TPRG1: variants seen among roughly 807,000 people sequenced by gnomAD.
The protein encoded by TPRG1 is tumor protein p63 regulated 1.
A neutral mutation model predicts 29.3 loss-of-function variants in TPRG1; 29 were observed. The observed-to-expected ratio is 0.99, with a 90% CI of 0.74 to 1.35. The LOEUF is 1.35. TPRG1 is among the 40% of genes most tolerant of loss of function. TPRG1 has a pLI of 0.00. For missense variants in TPRG1, 327 were observed against 335.0 expected (o/e 0.98, Z 0.19); for synonymous variants, 130 against 116.8 (o/e 1.11, Z -0.73).
chr3:189,203,319 T>C (rs1256729483), intron 1 of TPRG1, among the ~76,000 whole-genome samples: 6 of 152,110 alleles, frequency 3.9e-5, no homozygotes, highest in Non-Finnish European at 1.5e-5. Flanking sequence ...AGTACTTCCT[T>C]AAGGCTTTAT....
chr3:189,214,680 G>A (rs1324301446), intron 2 of TPRG1, among the ~76,000 whole-genome samples: 1 of 152,146 alleles, frequency 6.6e-6, no homozygotes, highest in African/African-American at 2.4e-5. Context: ...AGAAATCTAT[G>A]TTTTAACACA....
chr3:189,016,256 T>A (rs1712927794), intron 3 of TPRG1, among the ~76,000 whole-genome samples: 1 of 152,124 alleles, frequency 6.6e-6, no homozygotes, highest in Non-Finnish European at 1.5e-5. Flanking sequence ...CAGAATTGCT[T>A]GGGGCCTGTA....
At chr3:189,293,380 CTG>C (rs1719336326) in intron 4 of TPRG1, among the ~76,000 whole-genome samples, 1 of 152,134 alleles carries the variant, frequency 6.6e-6, no homozygotes, top group South Asian at 2.1e-4. Flanking sequence ...GCACTGAAAA[CTG>C]AGGGTTTCCT....
At chr3:189,140,046 G>GCA (rs1388362548) in intron 3 of TPRG1, among the ~76,000 whole-genome samples, 1 of 152,066 alleles carries the variant, frequency 6.6e-6, no homozygotes. Context: ...TCAGATCTAT[G>GCA]CACACACACA....
At chr3:189,307,971 T>G (rs1721883158) in intron 4 of TPRG1, among the ~76,000 whole-genome samples, 1 of 152,136 alleles carries the variant, frequency 6.6e-6, no homozygotes, top group African/African-American at 2.4e-5. Flanking sequence ...TGGGGCTAAT[T>G]AGATGCTTCT....
At chr3:189,101,396 C>T (rs1719181485) in intron 1 of TPRG1, among the ~76,000 whole-genome samples, 1 of 150,558 alleles carries the variant, frequency 6.6e-6, no homozygotes, top group Admixed American at 6.6e-5. Context: ...TGCAATTCAA[C>T]ATTTATCTTA....
intron 5 of TPRG1, among the ~76,000 whole-genome samples, chr3:189,165,370 G>C: frequency 6.6e-6 from 1 of 151,622 alleles, no homozygotes; most frequent in Non-Finnish European, 1.5e-5. Context: ...GTCTATTCTG[G>C]GTTGGAGTTT....
chr3:189,174,105 A>G (rs1420011472), intron 1 of TPRG1, among the ~76,000 whole-genome samples: 1 of 152,160 alleles, frequency 6.6e-6, no homozygotes, highest in Non-Finnish European at 1.5e-5. Flanking sequence ...GATCCTTTTA[A>G]AACTTGAAGT....
At chr3:189,070,962 C>T (rs1017486866) in intron 4 of TPRG1, among the ~76,000 whole-genome samples, 12 of 151,062 alleles carry the variant, frequency 7.9e-5, no homozygotes, top group Admixed American at 3.3e-4. Context: ...TAGAAATTCT[C>T]AGATTTGTTT....
At chr3:189,079,054 C>T (rs975516109) in intron 4 of TPRG1, among the ~76,000 whole-genome samples, 1 of 152,136 alleles carries the variant, frequency 6.6e-6, no homozygotes, top group Non-Finnish European at 1.5e-5. Context: ...ATCGCATCTG[C>T]TTCTGGTGAG....
intron 5 of TPRG1, among the ~76,000 whole-genome samples, chr3:189,157,878 C>G (rs993415297): frequency 3.9e-5 from 6 of 152,106 alleles, no homozygotes; most frequent in African/African-American, 9.7e-5. Flanking sequence ...TCTGGCCTGT[C>G]TGATAGCACA....
At chr3:189,075,667 T>C (rs1717124926) in intron 4 of TPRG1, among the ~76,000 whole-genome samples, 1 of 152,214 alleles carries the variant, frequency 6.6e-6, no homozygotes, top group Non-Finnish European at 1.5e-5. Flanking sequence ...TTGTGGTGAT[T>C]TTAGAGAAAA....
chr3:189,168,951 G>T (rs1393670787), upstream of TPRG1, among the ~76,000 whole-genome samples: 3 of 152,178 alleles, frequency 2.0e-5, no homozygotes, highest in Non-Finnish European at 4.4e-5. Context: ...CCCATCTGCT[G>T]CCCCAGGCAG....
At chr3:189,050,347 A>G (rs183662873) in intron 4 of TPRG1, among the ~76,000 whole-genome samples, 2 of 152,226 alleles carry the variant, frequency 1.3e-5, no homozygotes, top group Non-Finnish European at 2.9e-5. Flanking sequence ...AGAGATGGAT[A>G]AATTTCTGGG....
chr3:189,031,041 G>T (rs960674373), intron 4 of TPRG1, among the ~76,000 whole-genome samples: 6 of 152,158 alleles, frequency 3.9e-5, no homozygotes, highest in African/African-American at 1.4e-4. Context: ...AGGCTGAGGC[G>T]GGTGGATTGC....
chr3:189,136,469 G>A (rs1396830616), intron 3 of TPRG1, among the ~76,000 whole-genome samples: 1 of 152,130 alleles, frequency 6.6e-6, no homozygotes, highest in African/African-American at 2.4e-5. Context: ...CTTTCTTCTT[G>A]CGGGATATTG....
intron 4 of TPRG1, among the ~76,000 whole-genome samples, chr3:189,287,484 G>A (rs930230439): frequency 2.7e-5 from 4 of 150,202 alleles, no homozygotes; most frequent in Admixed American, 6.7e-5. Context: ...TGCAAGCTCC[G>A]CCTCCCAGGT....
intron 3 of TPRG1, among the ~76,000 whole-genome samples, chr3:189,230,818 A>T (rs977621694): frequency 3.3e-5 from 5 of 152,250 alleles, no homozygotes; most frequent in East Asian, 1.9e-4. Context: ...ATTACTTGGT[A>T]TTGGGTTTCT....
intron 5 of TPRG1, among the ~76,000 whole-genome samples, chr3:189,313,516 C>T (rs776895226): frequency 2.0e-5 from 3 of 152,056 alleles, no homozygotes; most frequent in Admixed American, 6.6e-5. Context: ...TATTGTCTCA[C>T]GGGGAGGGAA....
Sources: gnomAD v4.1 joint callset for allele counts (sites outside exome capture counted in the v4.1 genomes callset) on GRCh38, gnomAD v4.1.1 for gene constraint, MANE v1.5 for transcripts, NCBI Gene and HGNC (gene_info 2026-07-23, HGNC 2026-07-21) for gene names.